B3GLCT: variants seen among roughly 807,000 people sequenced by gnomAD.
B3GLCT encodes beta-1,3-glucosyltransferase.
Under a neutral mutation model 63.4 loss-of-function variants are expected in B3GLCT, and 65 were observed. That is an observed-to-expected ratio of 1.03 (90% CI 0.84 to 1.26). The LOEUF (loss-of-function observed/expected upper bound fraction) is 1.26, where lower values mean the gene tolerates loss of function less well. Among genes scored for constraint, B3GLCT ranks in the 50% most tolerant of loss-of-function variants. The pLI is 0.00. For missense variants in B3GLCT, 577 were observed against 604.8 expected, an observed-to-expected ratio of 0.95 and a Z score of 0.48; for synonymous variants, 233 against 219.2, an observed-to-expected ratio of 1.06 and a Z score of -0.55.
intron 10 of B3GLCT, among the ~76,000 whole-genome samples, chr13:31,282,534 C>T (rs1873123261): frequency 6.6e-6 from 1 of 151,374 alleles, no homozygotes. Flanking sequence ...CCCAGCTACT[C>T]AGGAGGCTGA....
chr13:31,272,103 G>A (rs530348314), intron 8 of B3GLCT, among the ~76,000 whole-genome samples: 5 of 151,686 alleles, frequency 3.3e-5, no homozygotes, highest in Non-Finnish European at 5.9e-5. Context: ...CCTCCAGTTT[G>A]AAAATCTTTA....
chr13:31,298,092 G>T (rs1389867937), intron 12 of B3GLCT, among the ~76,000 whole-genome samples: 1 of 152,126 alleles, frequency 6.6e-6, no homozygotes, highest in Non-Finnish European at 1.5e-5. Flanking sequence ...TTGGGGGGTG[G>T]GACTGAAAGT....
intron 12 of B3GLCT, among the ~76,000 whole-genome samples, chr13:31,316,407 T>TTTTATATATA (rs1239451482): frequency 0.17 from 7,123 of 41,546 alleles, 981 homozygotes; most frequent in Admixed American, 0.26. Flanking sequence ...TTTGGAGGTT[T>TTTTATATATA]TATATATATA....
chr13:31,283,472 C>T (rs1873167017), intron 10 of B3GLCT, among the ~76,000 whole-genome samples: 1 of 151,934 alleles, frequency 6.6e-6, no homozygotes, highest in Non-Finnish European at 1.5e-5. Flanking sequence ...CATCTTTGAC[C>T]ATTTTGACAT....
chr13:31,214,942 A>G (rs1264803051), intron 1 of B3GLCT, 109 bp from the exon 2 acceptor site: 35 of 1,090,238 alleles, frequency 3.2e-5, no homozygotes, highest in Non-Finnish European at 4.1e-5. Flanking sequence ...TGAGCAAAAT[A>G]TGTCTTGTTA....
intron 4 of B3GLCT, among the ~76,000 whole-genome samples, chr13:31,232,673 G>A (rs893479887): frequency 2.0e-5 from 3 of 152,160 alleles, no homozygotes; most frequent in African/African-American, 7.2e-5. Flanking sequence ...CTGTCTTCTT[G>A]TCAAGCTCAT....
intron 4 of B3GLCT, among the ~76,000 whole-genome samples, chr13:31,239,679 T>G (rs1250774777): frequency 6.8e-6 from 1 of 147,294 alleles, no homozygotes; most frequent in Non-Finnish European, 1.5e-5. Flanking sequence ...AGCTGTCACC[T>G]GAGTCTTTTT....
Position 31,232,276 on chromosome 13 carries a change from TAAAGA to T in B3GLCT, c.270+2989_270+2993del, listed in dbSNP as rs1870417254. On this transcript the variant is annotated intron_variant, in intron 4 of 14. Transcript: ENST00000343307. Reference sequence around the variant, plus strand: ...GAAATATCTGAGACTGGGTCATTTATAAAGAAAAGAAGTTTACTTGGCTTATGGTT... The same window carrying T: ...GAAATATCTGAGACTGGGTCATTTATAAAGAAGTTTACTTGGCTTATGGTT... 2.6e-5 allele frequency among the ~76,000 whole-genome samples: 4 copies of T among 152,200 alleles called. No homozygotes were observed. In the South Asian group the frequency reaches 6.2e-4, roughly 24 times the overall value.
chr13:31,286,095 T>C (rs930237985), intron 11 of B3GLCT, among the ~76,000 whole-genome samples: 3 of 152,242 alleles, frequency 2.0e-5, no homozygotes, highest in Non-Finnish European at 2.9e-5. Context: ...ATTTGACTAC[T>C]CTTCCCAAGT....
rs145943570 is a variant in B3GLCT at position 31,238,978 on chromosome 13, G to A, written c.271-8045G>A. ...CATGTGAAGCCTGAGAGGAGAAGGC[G>A]GGAAGACTTTTGTGAAATCACTCAG... On this transcript the variant is annotated intron_variant, in intron 4 of 14. Coordinates refer to ENST00000343307, the MANE Select transcript of B3GLCT (RefSeq NM_194318.4). Among the ~76,000 whole-genome samples, 21 of 152,284 alleles carry A rather than the reference G, an allele frequency of 1.4e-4. No homozygotes were observed. The East Asian group carries it at 3.7e-3, about 27-fold the overall frequency.
chr13:31,317,525 G>A, intron 12 of B3GLCT, 41 bp from the exon 13 acceptor site: 4 of 1,612,476 alleles, frequency 2.5e-6, no homozygotes, highest in Non-Finnish European at 3.4e-6. Context: ...AACCACGTTT[G>A]AATCAAATAA....
intron 11 of B3GLCT, 22 bp from the exon 12 acceptor site, chr13:31,286,698 G>T (rs1193001108): frequency 1.6e-5 from 24 of 1,466,024 alleles, no homozygotes; most frequent in Non-Finnish European, 2.3e-5. Flanking sequence ...TACATTGTAA[G>T]TTTTTTTCTT....
chr13:31,332,236 A>G lies in B3GLCT; in HGVS notation c.*2568A>G, dbSNP rs1367025805. 1 of 152,084 alleles carries G rather than the reference A, an allele frequency of 6.6e-6. No homozygotes were observed. The highest frequency in any genetic ancestry group is 2.4e-5 in the African/African-American group (1 of 41,442). The allele number at this position is 152,084 out of a possible 1,614,324, so 9.4% of individuals were successfully genotyped here. ...TCTTCCATTCATAATCAGAGATGTA[A>G]TTTGTATGGACTAAATAAAAACTTT... On this transcript the variant is annotated 3_prime_UTR_variant, in exon 15 of 15. Coordinates refer to ENST00000343307, the MANE Select transcript of B3GLCT (RefSeq NM_194318.4).
intron 7 of B3GLCT, among the ~76,000 whole-genome samples, chr13:31,268,457 G>C (rs956145602): frequency 6.6e-6 from 1 of 152,182 alleles, no homozygotes; most frequent in Non-Finnish European, 1.5e-5. Context: ...TGATAGGTCC[G>C]TGCTTTGTAC....
Position 31,311,768 on chromosome 13 carries a change from T to G in B3GLCT, c.1065-5798T>G, listed in dbSNP as rs1174743293. The G allele has an allele frequency of 3.3e-5, 5 of 152,210 alleles. No homozygotes were observed. The South Asian group carries it at 8.3e-4, about 25-fold the overall frequency. 9.4% of individuals were successfully genotyped at this position (152,210 alleles called of 1,614,324 possible). A position where few individuals can be genotyped will look rare whatever the true frequency, so the allele number is the denominator to read the frequency against. On this transcript the variant is annotated intron_variant, in intron 12 of 14. Transcript: ENST00000343307. ...GATACTATTTCAGCCACAAAAGCCATGAGCTACATGGAGTTCCCAAGGAAT... is the reference window on the plus strand; with the variant it reads ...GATACTATTTCAGCCACAAAAGCCAGGAGCTACATGGAGTTCCCAAGGAAT...
intron 6 of B3GLCT, among the ~76,000 whole-genome samples, chr13:31,250,315 A>G (rs1238893377): frequency 1.3e-5 from 2 of 152,328 alleles, no homozygotes; most frequent in South Asian, 2.1e-4. Flanking sequence ...CTGGGATTAC[A>G]GTCTTGCACC....
intron 12 of B3GLCT, among the ~76,000 whole-genome samples, chr13:31,299,897 C>A (rs1445252159): frequency 1.3e-5 from 2 of 152,166 alleles, no homozygotes; most frequent in Non-Finnish European, 2.9e-5. Flanking sequence ...GCCCTCTTGC[C>A]TAACTGTATG....
intron 6 of B3GLCT, among the ~76,000 whole-genome samples, chr13:31,260,209 A>G (rs1232353777): frequency 1.3e-5 from 2 of 151,944 alleles, no homozygotes; most frequent in African/African-American, 4.8e-5. Flanking sequence ...TCTTCCTCAG[A>G]TTTTTGCATA....
At chr13:31,219,705 G>A (rs1488651535) in intron 2 of B3GLCT, among the ~76,000 whole-genome samples, 1 of 152,178 alleles carries the variant, frequency 6.6e-6, no homozygotes, top group Non-Finnish European at 1.5e-5. Flanking sequence ...CCTGTTTATA[G>A]CTTAGAACAA....
Sources: allele counts gnomAD v4.1 joint callset (sites outside exome capture counted in the v4.1 genomes callset), GRCh38; gene constraint gnomAD v4.1.1; transcripts MANE v1.5; gene names NCBI Gene and HGNC (gene_info 2026-07-23, HGNC 2026-07-21).